MAP2: variants seen among roughly 807,000 people sequenced by gnomAD.
MAP2 encodes the protein microtubule associated protein 2.
In MAP2, 14 loss-of-function variants were observed where a neutral mutation model predicts 137.6. The observed-to-expected ratio is 0.10, with a 90% CI of 0.07 to 0.16. The LOEUF (loss-of-function observed/expected upper bound fraction) is 0.16, where lower values mean the gene tolerates loss of function less well. Ranked by LOEUF, MAP2 falls within the 10% of genes least tolerant of loss-of-function variation. MAP2 has a pLI of 1.00. For synonymous variants in MAP2, 786 were observed against 782.3 expected, an observed-to-expected ratio of 1.00 and a Z score of -0.08; for missense variants, 2,088 against 2,191.5, an observed-to-expected ratio of 0.95 and a Z score of 0.94.
At chr2:209,664,962 CA>C (rs67286716) in intron 5 of MAP2, among the ~76,000 whole-genome samples, 1,455 of 51,850 alleles carry the variant, frequency 0.028, 6 homozygotes, top group African/African-American at 0.061. Context: ...AACTCCGTCT[CA>C]AAAAAAAAAA....
intron 5 of MAP2, among the ~76,000 whole-genome samples, chr2:209,676,258 A>G (rs1392192189): frequency 2.0e-5 from 3 of 151,920 alleles, no homozygotes; most frequent in Non-Finnish European, 2.9e-5. Context: ...TGGAACCATT[A>G]TTCTTAGCAA....
chr2:209,450,434 C>T (rs1700060735), intron 1 of MAP2, among the ~76,000 whole-genome samples: 1 of 152,172 alleles, frequency 6.6e-6, no homozygotes, highest in African/African-American at 2.4e-5. Context: ...GTGAAGTCTC[C>T]CATGTCAATT....
intron 2 of MAP2, among the ~76,000 whole-genome samples, chr2:209,508,632 A>G (rs2061373180): frequency 6.6e-6 from 1 of 151,512 alleles, no homozygotes; most frequent in Non-Finnish European, 1.5e-5. Flanking sequence ...AACTACTATT[A>G]TTTCTCTTTT....
chr2:209,627,915 T>C (rs1021151893), intron 4 of MAP2, among the ~76,000 whole-genome samples: 7 of 152,282 alleles, frequency 4.6e-5, no homozygotes, highest in Non-Finnish European at 7.4e-5. Context: ...GATAGGATAA[T>C]AGGAGTGAAA....
intron 1 of MAP2, among the ~76,000 whole-genome samples, chr2:209,463,466 CCTCT>C (rs1703364378): frequency 6.6e-6 from 1 of 151,966 alleles, no homozygotes; most frequent in African/African-American, 2.4e-5. Flanking sequence ...CTTTTTTTGG[CCTCT>C]CTCTGGGGAG....
chr2:209,494,041 C>T (rs1559233798), intron 1 of MAP2, among the ~76,000 whole-genome samples: 2 of 152,152 alleles, frequency 1.3e-5, no homozygotes, highest in African/African-American at 4.8e-5. Context: ...CCAAAATGCC[C>T]ATCAATGTTA....
rs2075441835 is a variant in MAP2, at chr2:209,729,884, A to G, written c.5190A>G (p.Leu1730=). The change falls in exon 15 of 16, where the codon CTA becomes CTG. Residue 1730 remains leucine, a synonymous_variant. Coordinates refer to ENST00000682079, the MANE Select transcript of MAP2 (RefSeq NM_001375505.1). ...GGRVKIESVK[L]DFKEKAQAKV... ...GTGTGAAAATTGAGAGTGTAAAACT[A>G]GATTTCAAAGAAAAGGCCCAAGCTA... is the stretch of plus-strand genomic sequence containing the variant. 1 of 1,613,558 alleles carries G rather than the reference A, an allele frequency of 6.2e-7. No homozygotes were observed. The highest frequency in any genetic ancestry group is 1.1e-5 in the South Asian group (1 of 91,066).
chr2:209,679,418 G>GAT (rs2053542397), intron 6 of MAP2, among the ~76,000 whole-genome samples: 1 of 144,596 alleles, frequency 6.9e-6, no homozygotes, highest in Admixed American at 6.8e-5. Flanking sequence ...GATAGATAGA[G>GAT]AGATGGATGT....
At chr2:209,573,298 G>GGT (rs770132978) in intron 2 of MAP2, among the ~76,000 whole-genome samples, 2 of 120,066 alleles carry the variant, frequency 1.7e-5, no homozygotes, top group African/African-American at 6.6e-5. Context: ...TTCTTTTTCT[G>GGT]TTTTTTTTTT....
intron 13 of MAP2, among the ~76,000 whole-genome samples, chr2:209,722,729 C>G (rs999146908): frequency 6.6e-6 from 1 of 152,136 alleles, no homozygotes; most frequent in Non-Finnish European, 1.5e-5. Context: ...AGAGTAATGT[C>G]CTTCCAGATC....
At chr2:209,444,776 A>G (rs1698648881) in intron 1 of MAP2, among the ~76,000 whole-genome samples, 1 of 151,582 alleles carries the variant, frequency 6.6e-6, no homozygotes, top group Admixed American at 6.6e-5. Flanking sequence ...TTCTTTGAGG[A>G]AATTTGAAAG....
chr2:209,584,857 G>A (rs893225506), intron 3 of MAP2, among the ~76,000 whole-genome samples: 2 of 152,106 alleles, frequency 1.3e-5, no homozygotes, highest in Non-Finnish European at 2.9e-5. Context: ...AGGACTCAAA[G>A]GTGACTCTGA....
chr2:209,720,898 T>G (rs1020226453), intron 13 of MAP2, among the ~76,000 whole-genome samples: 6 of 152,072 alleles, frequency 3.9e-5, no homozygotes, highest in Non-Finnish European at 8.8e-5. Context: ...TAAATATTTA[T>G]TTAGATTTAT....
At chr2:209,643,134 C>T (rs1176643114) in intron 4 of MAP2, among the ~76,000 whole-genome samples, 1 of 152,122 alleles carries the variant, frequency 6.6e-6, no homozygotes, top group East Asian at 1.9e-4. Flanking sequence ...ACATAGAAAA[C>T]ATTCTAGAAC....
chr2:209,486,290 C>T (rs1559223342), intron 1 of MAP2, among the ~76,000 whole-genome samples: 1 of 151,720 alleles, frequency 6.6e-6, no homozygotes, highest in East Asian at 1.9e-4. Context: ...TGCAGTGGTG[C>T]GATCTCACCT....
At chr2:209,432,312 T>G (rs1469096176) in intron 1 of MAP2, among the ~76,000 whole-genome samples, 1 of 152,150 alleles carries the variant, frequency 6.6e-6, no homozygotes, top group East Asian at 1.9e-4. Flanking sequence ...TTTCTCTGCC[T>G]ACAGTGCTCT....
intron 3 of MAP2, among the ~76,000 whole-genome samples, chr2:209,596,038 G>A (rs955866151): frequency 4.0e-5 from 6 of 151,784 alleles, no homozygotes; most frequent in Admixed American, 3.9e-4. Context: ...AAACCAACAC[G>A]GCACATGTAT....
At chr2:209,568,681 A>G (rs943216542) in intron 2 of MAP2, among the ~76,000 whole-genome samples, 2 of 150,126 alleles carry the variant, frequency 1.3e-5, no homozygotes, top group African/African-American at 5.0e-5. Context: ...GAAATGTAGC[A>G]TTTGATTTTG....
rs1708173782 is a variant in MAP2, at chr2:209,479,373, C to G, written c.-221-28219C>G. 3.9e-5 allele frequency among the ~76,000 whole-genome samples: 6 copies of G among 152,082 alleles called. No homozygotes were observed. In the South Asian group the frequency reaches 1.2e-3, roughly 31 times the overall value. On this transcript the variant is annotated intron_variant, in intron 1 of 15. Transcript: ENST00000682079. ...ATAAAATTTCATTACCAGAACTTCA[C>G]TGACATTTACATTAGTCTATTAATG...
Sources: allele counts gnomAD v4.1 joint callset (sites outside exome capture counted in the v4.1 genomes callset), GRCh38; gene constraint gnomAD v4.1.1; transcripts MANE v1.5; gene names NCBI Gene and HGNC (gene_info 2026-07-23, HGNC 2026-07-21).